Variants in CCNY observed in about 807,000 individuals in gnomAD.
The protein encoded by CCNY is cyclin Y.
A neutral mutation model predicts 42.8 loss-of-function variants in CCNY; 19 were observed. That is an observed-to-expected ratio of 0.44 (90% confidence interval 0.31 to 0.65). The LOEUF is 0.65. CCNY is among the 30% of genes least tolerant of loss of function. The probability of loss-of-function intolerance (pLI) is 0.07; values close to 1 mark genes in which losing one functional copy is unlikely to be tolerated. For missense variants in CCNY, 370 were observed against 437.3 expected (o/e 0.85, Z 1.37); for synonymous variants, 165 against 162.7 (o/e 1.01, Z -0.11).
At chr10:35,457,726 G>A (rs1195577236) in intron 1 of CCNY, among the ~76,000 whole-genome samples, 4 of 151,862 alleles carry the variant, frequency 2.6e-5, no homozygotes, top group African/African-American at 7.3e-5. Flanking sequence ...GACTACAGGC[G>A]CCTGCCACCA....
Position 35,304,285 on chromosome 10 carries a change from T to G in CCNY, c.-9+53659T>G, listed in dbSNP as rs922287177. Among the ~76,000 whole-genome samples, 3 of 127,362 alleles carry G rather than the reference T, an allele frequency of 2.4e-5. 1 individual carries two copies. The highest frequency in any genetic ancestry group is 4.9e-5 in the Non-Finnish European group (3 of 61,306). 83.6% of individuals were successfully genotyped at this position (127,362 alleles called of 152,430 possible). On this transcript the variant is annotated intron_variant, in intron 3 of 11. Coordinates refer to the CCNY transcript ENST00000374706. ...TTGTAAGATCTTGAAAAGGCTTTTT[T>G]CTCCTTTTATTTTTTTTTTTTTTTT...
intron 3 of CCNY, among the ~76,000 whole-genome samples, chr10:35,268,850 G>A (rs149782686): frequency 6.5e-4 from 99 of 152,336 alleles, no homozygotes; most frequent in Non-Finnish European, 1.1e-3. Context: ...GCCAGAATGC[G>A]GGGAGGCAGC....
In CCNY at chr10:35,262,139, G is replaced by A. The variant is rs1448101424; in HGVS notation, c.-9+11513G>A. On this transcript the variant is annotated intron_variant, in intron 3 of 11. Transcript: ENST00000374706. ...TACCTGGGCATGGTGGTGCATGCCT[G>A]TAGTCCCAGCTACTTGGGAAGCTGA... Among the ~76,000 whole-genome samples, 6 of 151,154 alleles carry A rather than the reference G, an allele frequency of 4.0e-5. No homozygotes were observed. The East Asian group carries it at 5.9e-4, about 15-fold the overall frequency.
At position 35,551,145 on chromosome 10, in the gene CCNY, G is replaced by A. The variant is rs186840112; in HGVS notation, c.580-1874G>A. Among the ~76,000 whole-genome samples the A allele has an allele frequency of 1.3e-4, 20 of 152,258 alleles. No individual in the cohort carries two copies. The East Asian group carries it at 3.9e-3, about 29-fold the overall frequency. ...GCAGCCCACCTTCTGTGATCGTTGGGTCCCCTTTACAGGCCTTGTGCATTC... is the reference window on the plus strand; with the variant it reads ...GCAGCCCACCTTCTGTGATCGTTGGATCCCCTTTACAGGCCTTGTGCATTC... On this transcript the variant is annotated intron_variant, in intron 7 of 9. Coordinates refer to ENST00000374704, the MANE Select transcript of CCNY (RefSeq NM_145012.6).
chr10:35,481,859 T>C (rs1005545276), intron 1 of CCNY, among the ~76,000 whole-genome samples: 2 of 152,236 alleles, frequency 1.3e-5, no homozygotes, highest in African/African-American at 4.8e-5. Flanking sequence ...CCATGAAATT[T>C]CTTGACTAAC....
At chr10:35,460,698 T>C (rs1839139882) in intron 1 of CCNY, among the ~76,000 whole-genome samples, 1 of 152,252 alleles carries the variant, frequency 6.6e-6, no homozygotes, top group Non-Finnish European at 1.5e-5. Context: ...TTATCTATTC[T>C]GTTGCATAAG....
chr10:35,248,174 G>A (rs1296121618), exon 2 of CCNY: 3 of 152,278 alleles, frequency 2.0e-5, no homozygotes. Context: ...AGCTGAACTG[G>A]GACTAGAAGT....
chr10:35,556,048 T>C (rs552124116), intron 8 of CCNY, among the ~76,000 whole-genome samples: 1 of 152,244 alleles, frequency 6.6e-6, no homozygotes, highest in African/African-American at 2.4e-5. Flanking sequence ...CCAAAGAAAA[T>C]TGATCATTTT....
intron 1 of CCNY, among the ~76,000 whole-genome samples, chr10:35,347,700 CAAGA>C (rs1415171215): frequency 2.6e-5 from 4 of 151,876 alleles, no homozygotes; most frequent in African/African-American, 9.7e-5. Context: ...TTTTGCTTCT[CAAGA>C]AAAGATTTCA....
At chr10:35,255,681 A>G (rs527464331) in intron 3 of CCNY, among the ~76,000 whole-genome samples, 1 of 151,062 alleles carries the variant, frequency 6.6e-6, no homozygotes, top group East Asian at 2.0e-4. Flanking sequence ...TGTGGCCTCA[A>G]CCTCCTGGGC....
chr10:35,485,266 CTCT>C (rs1318197525), intron 2 of CCNY, among the ~76,000 whole-genome samples: 7 of 152,236 alleles, frequency 4.6e-5, no homozygotes, highest in Non-Finnish European at 1.0e-4. Context: ...AGGACATTTT[CTCT>C]TCTTGGGCTA....
At chr10:35,383,389 C>T (rs1837234583) in intron 1 of CCNY, among the ~76,000 whole-genome samples, 1 of 151,892 alleles carries the variant, frequency 6.6e-6, no homozygotes, top group South Asian at 2.1e-4. Context: ...CTCACTGCAA[C>T]CTTTGCCTCC....
rs545963538 is a variant in CCNY, at chr10:35,382,802, G to T, written c.154+45595G>T. 4.6e-5 allele frequency among the ~76,000 whole-genome samples: 7 copies of T among 152,208 alleles called. No homozygotes were observed. In the South Asian group the frequency reaches 1.5e-3, roughly 32 times the overall value. On this transcript the variant is annotated intron_variant, in intron 1 of 9. Transcript: ENST00000374704. ...TCATAAGGTTGTTGTGAAAACTATG[G>T]GAGACAGTACATTTAAGAGCTCAGT...
intron 7 of CCNY, among the ~76,000 whole-genome samples, chr10:35,539,495 T>C (rs997040721): frequency 1.3e-5 from 2 of 152,168 alleles, no homozygotes; most frequent in Non-Finnish European, 2.9e-5. Flanking sequence ...TTTTGTTAAA[T>C]TTATTCCTAG....
Position 35,418,673 on chromosome 10 carries a change from G to T in CCNY, c.155-64731G>T, listed in dbSNP as rs555869532. ...GGGGCGTATGTGGGGGACAGTGGAG[G>T]TAGAGCGAGCACAGCCTAGCAATTC... On this transcript the variant is annotated intron_variant, in intron 1 of 9. Coordinates refer to ENST00000374704, the MANE Select transcript of CCNY (RefSeq NM_145012.6). Among the ~76,000 whole-genome samples, 4 of 152,114 alleles carry T rather than the reference G, an allele frequency of 2.6e-5. No individual in the cohort carries two copies. In the East Asian group the frequency reaches 7.8e-4, roughly 30 times the overall value.
At chr10:35,546,472 G>C (rs571950555) in intron 7 of CCNY, among the ~76,000 whole-genome samples, 1 of 152,190 alleles carries the variant, frequency 6.6e-6, no homozygotes, top group Non-Finnish European at 1.5e-5. Context: ...AGAGTGACCT[G>C]TTAGCAATGG....
chr10:35,564,857 G>A lies in CCNY; in HGVS notation c.747-1166G>A, dbSNP rs551405945. 7.5e-4 allele frequency among the ~76,000 whole-genome samples: 115 copies of A among 152,350 alleles called. 2 individuals are homozygous for A. The highest frequency in any genetic ancestry group is 2.6e-3 in the African/African-American group (107 of 41,580). On this transcript the variant is annotated intron_variant, in intron 8 of 9. Coordinates refer to ENST00000374704, the MANE Select transcript of CCNY (RefSeq NM_145012.6). The stretch of plus-strand genomic sequence containing the variant: ...TCTGAGATCATGTGCTGGGGGCCAG[G>A]CATGCAAAAGCAGATGTTGCACTTC...
At chr10:35,278,531 A>G (rs1835264123) in intron 3 of CCNY, among the ~76,000 whole-genome samples, 1 of 152,170 alleles carries the variant, frequency 6.6e-6, no homozygotes, top group Non-Finnish European at 1.5e-5. Context: ...ATTCCCTGGA[A>G]ACAGAGGTAG....
intron 3 of CCNY, among the ~76,000 whole-genome samples, chr10:35,510,841 G>A (rs1279102258): frequency 1.3e-5 from 2 of 152,284 alleles, no homozygotes; most frequent in African/African-American, 2.4e-5. Flanking sequence ...GACAAACTAC[G>A]GCTGTCCTGA....
Sources: gnomAD v4.1 joint callset for allele counts (sites outside exome capture counted in the v4.1 genomes callset) on GRCh38, gnomAD v4.1.1 for gene constraint, MANE v1.5 for transcripts, NCBI Gene and HGNC (gene_info 2026-07-23, HGNC 2026-07-21) for gene names.